Variants in NCOR2 observed in about 807,000 individuals in gnomAD.
NCOR2 encodes CTG repeat protein 26.
Under a neutral mutation model 262.9 loss-of-function variants are expected in NCOR2, and 81 were observed. The ratio of observed to expected loss-of-function variants is 0.31; its 90% CI spans 0.26 to 0.37. The LOEUF (loss-of-function observed/expected upper bound fraction) is 0.37. Among genes scored for constraint, NCOR2 ranks in the 10% least tolerant of loss-of-function variants. The pLI, the probability that NCOR2 is intolerant of heterozygous loss-of-function variation, is 1.00. For synonymous variants in NCOR2, 1,659 were observed against 1,559.3 expected (o/e 1.06, Z -1.51); for missense variants, 3,385 against 3,621.4 (o/e 0.93, Z 1.68).
At chr12:124,332,675 G>A (rs370468213) in intron 42 of NCOR2, among the ~76,000 whole-genome samples, 46 of 152,304 alleles carry the variant, frequency 3.0e-4, no homozygotes, top group African/African-American at 1.0e-3. Context: ...TGTCTTGGGA[G>A]ACGCCTGGCT....
At chr12:124,332,351 A>G (rs925842869) in exon 43 of NCOR2, 2 of 1,614,044 alleles carry the variant, frequency 1.2e-6, no homozygotes, top group Non-Finnish European at 8.5e-7. Flanking sequence ...GTGGGTGTTC[A>G]GCTTCTTGTT....
At chr12:124,501,054 G>A (rs868284289) in intron 1 of NCOR2, among the ~76,000 whole-genome samples, 5 of 118,736 alleles carry the variant, frequency 4.2e-5, no homozygotes, top group South Asian at 5.9e-4. Flanking sequence ...GAGCGCGCGC[G>A]CACGCGCGCA....
intron 22 of NCOR2, 180 bp from the exon 25 acceptor site, chr12:124,356,962 A>C: frequency 1.5e-6 from 1 of 685,240 alleles, no homozygotes; most frequent in Non-Finnish European, 2.2e-6. Flanking sequence ...CTGTAACCCC[A>C]TGGTATTCTG....
At chr12:124,423,615 A>C (rs1037023021) in intron 11 of NCOR2, among the ~76,000 whole-genome samples, 16 of 152,170 alleles carry the variant, frequency 1.1e-4, no homozygotes, top group African/African-American at 3.6e-4. Flanking sequence ...TCTTCCAGGT[A>C]GGGAGAGTCC....
At chr12:124,433,968 C>A (rs73421995) in intron 8 of NCOR2, among the ~76,000 whole-genome samples, 5,943 of 150,260 alleles carry the variant, frequency 0.04, 133 homozygotes, top group African/African-American at 0.062. Flanking sequence ...AGCTAGTCTG[C>A]GGGGTGCTAG....
chr12:124,505,313 C>G (rs1161958846), intron 1 of NCOR2, among the ~76,000 whole-genome samples: 1 of 152,210 alleles, frequency 6.6e-6, no homozygotes, highest in Non-Finnish European at 1.5e-5. Flanking sequence ...ATGGCCCGCT[C>G]CCCCTGCCAC....
chr12:124,373,109 G>T (rs1397513415), intron 19 of NCOR2, among the ~76,000 whole-genome samples: 2 of 152,264 alleles, frequency 1.3e-5, no homozygotes, highest in Non-Finnish European at 2.9e-5. Flanking sequence ...GCTGGCAATT[G>T]TGAGGGCAAG....
At chr12:124,470,702 T>C (rs924201064) in intron 4 of NCOR2, among the ~76,000 whole-genome samples, 2 of 152,206 alleles carry the variant, frequency 1.3e-5, no homozygotes, top group Non-Finnish European at 2.9e-5. Context: ...GGCTTCCCTG[T>C]GGGTTGTTGA....
chr12:124,448,200 A>C (rs1296598665), intron 7 of NCOR2, among the ~76,000 whole-genome samples: 1 of 152,010 alleles, frequency 6.6e-6, no homozygotes, highest in Non-Finnish European at 1.5e-5. Context: ...AGAACACCCC[A>C]CCCTCATCCC....
chr12:124,374,153 C>T (rs952169784), intron 19 of NCOR2, among the ~76,000 whole-genome samples: 2 of 152,300 alleles, frequency 1.3e-5, no homozygotes, highest in African/African-American at 4.8e-5. Context: ...GAAATCAAAC[C>T]CGGTCGGAGA....
At chr12:124,331,472 T>C (rs1183337121) in intron 43 of NCOR2, 1 of 156,018 alleles carries the variant, frequency 6.4e-6, no homozygotes, top group Non-Finnish European at 1.4e-5. Flanking sequence ...TTTTTTTTTT[T>C]TTAAGACAGT....
At position 124,354,281 on chromosome 12, in the gene NCOR2, G is replaced by C. The variant is rs980410891; in HGVS notation, c.3590-85C>G. 3 of 1,364,972 alleles carry C rather than the reference G, an allele frequency of 2.2e-6. No individual in the cohort carries two copies. The African/African-American group carries it at 4.3e-5, about 20-fold the overall frequency. 84.6% of individuals were successfully genotyped at this position (1,364,972 alleles called of 1,614,324 possible). On this transcript the variant is annotated intron_variant, in intron 26 of 46. Coordinates refer to ENST00000405201, the Ensembl canonical transcript of NCOR2. ...CAGTCCTGAGAGCCACCCTGACTGA[G>C]AGACCCACAAGTTGTGCTAGTTGTT...
chr12:124,404,531 A>T (rs1389369780), intron 13 of NCOR2, among the ~76,000 whole-genome samples: 1 of 152,168 alleles, frequency 6.6e-6, no homozygotes, highest in African/African-American at 2.4e-5. Flanking sequence ...TCACCCATGG[A>T]CCAACGAATC....
intron 8 of NCOR2, 27 bp downstream of exon 10, chr12:124,437,903 C>G (rs1447442464): frequency 6.2e-7 from 1 of 1,602,658 alleles, no homozygotes; most frequent in African/African-American, 1.3e-5. Context: ...TCAAGGAAAG[C>G]TGATGGGGGC....
exon 38 of NCOR2, chr12:124,337,154 C>T (rs777477283): frequency 3.3e-5 from 51 of 1,523,814 alleles, no homozygotes; most frequent in Non-Finnish European, 4.2e-5. Flanking sequence ...GGCAGCCGGG[C>T]GAACGGGTGA....
At chr12:124,430,811 C>A in intron 8 of NCOR2, 24 bp from the exon 11 acceptor site, 2 of 1,580,652 alleles carry the variant, frequency 1.3e-6, no homozygotes, top group Non-Finnish European at 1.7e-6. Context: ...GGGGGCACTG[C>A]GGAAGATGCT....
At chr12:124,488,144 A>G (rs1366224068) in intron 1 of NCOR2, among the ~76,000 whole-genome samples, 2 of 152,156 alleles carry the variant, frequency 1.3e-5, no homozygotes, top group African/African-American at 4.8e-5. Flanking sequence ...TCAACAAGGC[A>G]GTTATTTTTG....
intron 17 of NCOR2, among the ~76,000 whole-genome samples, chr12:124,380,182 G>A (rs186045132): frequency 7.9e-5 from 12 of 152,284 alleles, no homozygotes; most frequent in African/African-American, 2.2e-4. Flanking sequence ...GGTGGGCCCC[G>A]CCCACCCCAG....
chr12:124,488,529 G>A (rs1200961268), intron 1 of NCOR2, among the ~76,000 whole-genome samples: 1 of 152,194 alleles, frequency 6.6e-6, no homozygotes, highest in Admixed American at 6.5e-5. Flanking sequence ...GCAGCCTCCA[G>A]AAGGCAGAAA....
Sources: gnomAD v4.1 joint callset for allele counts (sites outside exome capture counted in the v4.1 genomes callset) on GRCh38, gnomAD v4.1.1 for gene constraint, MANE v1.5 for transcripts, NCBI Gene and HGNC (gene_info 2026-07-23, HGNC 2026-07-21) for gene names.